Variants in TMEM163 observed in about 807,000 individuals in gnomAD.
TMEM163 encodes transmembrane protein 163.
In TMEM163, 17 loss-of-function variants were observed where a neutral mutation model predicts 29.3. The observed-to-expected ratio is 0.58, with a 90% CI of 0.40 to 0.87. The LOEUF is 0.87. Among genes scored for constraint, TMEM163 ranks in the 40% least tolerant of loss-of-function variants. The probability of loss-of-function intolerance (pLI) is 0.00; values close to 1 mark genes in which losing one functional copy is unlikely to be tolerated. For synonymous variants in TMEM163, 157 were observed against 160.6 expected (o/e 0.98, Z 0.17); for missense variants, 303 against 381.5 (o/e 0.79, Z 1.71).
chr2:134,566,809 C>A (rs1464711768), intron 2 of TMEM163, among the ~76,000 whole-genome samples: 1 of 152,142 alleles, frequency 6.6e-6, no homozygotes, highest in Admixed American at 6.5e-5. Flanking sequence ...AAAATATTAA[C>A]CACTTAGGCA....
At chr2:134,606,577 T>A (rs777888979) in intron 2 of TMEM163, among the ~76,000 whole-genome samples, 69 of 148,084 alleles carry the variant, frequency 4.7e-4, no homozygotes, top group South Asian at 1.5e-3. Flanking sequence ...CCTGGAAGAG[T>A]CGGGCTGGGG....
At chr2:134,677,396 T>C (rs551206647) in intron 2 of TMEM163, among the ~76,000 whole-genome samples, 35 of 152,156 alleles carry the variant, frequency 2.3e-4, no homozygotes, top group Non-Finnish European at 2.8e-4. Flanking sequence ...CGAAAAGGCA[T>C]GGAGAAGACA....
At chr2:134,697,558 G>A (rs946996856) in intron 2 of TMEM163, among the ~76,000 whole-genome samples, 4 of 149,806 alleles carry the variant, frequency 2.7e-5, no homozygotes, top group East Asian at 4.0e-4. Context: ...TCCGCCTCCC[G>A]GGTTCAAGTG....
intron 2 of TMEM163, among the ~76,000 whole-genome samples, chr2:134,656,461 G>A (rs1335829077): frequency 6.6e-6 from 1 of 152,080 alleles, no homozygotes; most frequent in African/African-American, 2.4e-5. Context: ...ACTCCCTAGT[G>A]AGAGAAACCC....
chr2:134,493,941 A>G lies in TMEM163; in HGVS notation c.555+8960T>C, dbSNP rs142563186. 2.0e-4 allele frequency among the ~76,000 whole-genome samples: 30 copies of G among 152,268 alleles called. 2 individuals carry two copies. The highest frequency in any genetic ancestry group is 6.0e-4 in the African/African-American group (25 of 41,574). ...CACTTGACTAGATATGTGCAGGTCT[A>G]TTTCTGGATCTGATATTCTCCTTGT... On this transcript the variant is annotated intron_variant, in intron 5 of 7. Transcript: ENST00000281924.
intron 2 of TMEM163, among the ~76,000 whole-genome samples, chr2:134,655,628 A>G (rs1419405764): frequency 2.2e-5 from 3 of 138,628 alleles, no homozygotes; most frequent in African/African-American, 6.1e-5. Flanking sequence ...GGCGCTCTGC[A>G]TTTTAGAGTT....
At chr2:134,484,723 C>A (rs142677481) in intron 5 of TMEM163, among the ~76,000 whole-genome samples, 1 of 152,274 alleles carries the variant, frequency 6.6e-6, no homozygotes, top group African/African-American at 2.4e-5. Flanking sequence ...AATGTTAAAT[C>A]TTGATCTAAC....
chr2:134,480,144 A>G lies in TMEM163; in HGVS notation c.556-13919T>C, dbSNP rs532991614. Among the ~76,000 whole-genome samples, 3 of 152,258 alleles carry G rather than the reference A, an allele frequency of 2.0e-5. No homozygotes were observed. The South Asian group carries it at 6.2e-4, about 32-fold the overall frequency. On this transcript the variant is annotated intron_variant, in intron 5 of 7. Coordinates refer to ENST00000281924, the MANE Select transcript of TMEM163 (RefSeq NM_030923.5). Reference sequence around the variant, plus strand: ...TTTCCAGCTCCTTGCAGAAAAGCCAACCCCAACCAAACCAGCTGGATAAAG... The same window carrying G: ...TTTCCAGCTCCTTGCAGAAAAGCCAGCCCCAACCAAACCAGCTGGATAAAG...
chr2:134,468,457 G>A (rs115922298), intron 5 of TMEM163: 5,466 of 152,322 alleles, frequency 0.036, 161 homozygotes, highest in South Asian at 0.13. Context: ...GTGGTGTTTT[G>A]TTATAACAGC....
chr2:134,629,915 T>A (rs1682931132), intron 2 of TMEM163, among the ~76,000 whole-genome samples: 1 of 152,188 alleles, frequency 6.6e-6, no homozygotes, highest in Non-Finnish European at 1.5e-5. Context: ...AATAAACATA[T>A]AAACTAATGG....
At chr2:134,636,241 G>C (rs1553487665) in intron 2 of TMEM163, among the ~76,000 whole-genome samples, 2 of 152,220 alleles carry the variant, frequency 1.3e-5, no homozygotes, top group Non-Finnish European at 2.9e-5. Context: ...GGCTGGCAAA[G>C]ACCAGGTACA....
At chr2:134,611,831 G>A (rs573499497) in intron 2 of TMEM163, among the ~76,000 whole-genome samples, 2 of 152,302 alleles carry the variant, frequency 1.3e-5, no homozygotes, top group South Asian at 2.1e-4. Flanking sequence ...GCAGTGAAGA[G>A]GTGAGCCTCC....
chr2:134,578,749 T>G (rs1312612330), intron 2 of TMEM163, among the ~76,000 whole-genome samples: 1 of 151,946 alleles, frequency 6.6e-6, no homozygotes, highest in Non-Finnish European at 1.5e-5. Context: ...AAATAACTGG[T>G]TTGAGTGTGT....
Position 134,613,952 on chromosome 2 carries a change from GT to G in TMEM163, c.323-61862del, listed in dbSNP as rs550515484. Among the ~76,000 whole-genome samples, 3 of 151,694 alleles carry G rather than the reference GT, an allele frequency of 2.0e-5. No homozygotes were observed. The East Asian group carries it at 5.8e-4, about 29-fold the overall frequency. ...CAGTTCTAGTAAAAATCCCAGTAAGGTTTTTTTTGTAGATATAGACAGGTTA... is the reference window on the plus strand; with the variant it reads ...CAGTTCTAGTAAAAATCCCAGTAAGGTTTTTTTGTAGATATAGACAGGTTA... On this transcript the variant is annotated intron_variant, in intron 2 of 7. Transcript: ENST00000281924.
chr2:134,606,482 G>A (rs544900284), intron 2 of TMEM163, among the ~76,000 whole-genome samples: 16 of 152,004 alleles, frequency 1.1e-4, no homozygotes, highest in Non-Finnish European at 1.9e-4. Flanking sequence ...CCTCCTCTTC[G>A]AGTCTCTCCT....
intron 2 of TMEM163, among the ~76,000 whole-genome samples, chr2:134,681,022 G>A (rs567620898): frequency 1.3e-5 from 2 of 152,292 alleles, no homozygotes; most frequent in South Asian, 2.1e-4. Context: ...GGATGGAGCC[G>A]CCACCCATCT....
At chr2:134,512,277 G>A (rs1352676512) in intron 4 of TMEM163, among the ~76,000 whole-genome samples, 1 of 152,148 alleles carries the variant, frequency 6.6e-6, no homozygotes, top group Non-Finnish European at 1.5e-5. Context: ...GGCCAACATG[G>A]TGAAACCCCA....
intron 4 of TMEM163, among the ~76,000 whole-genome samples, chr2:134,535,249 A>T (rs1479830890): frequency 6.6e-5 from 10 of 152,212 alleles, no homozygotes; most frequent in Admixed American, 6.5e-4. Flanking sequence ...CACATCGTGC[A>T]CATTGCTTTT....
In TMEM163 at chr2:134,662,528, T is replaced by C. The variant is rs1683777791; in HGVS notation, c.322+50672A>G. On this transcript the variant is annotated intron_variant, in intron 2 of 7. Transcript: ENST00000281924. The stretch of plus-strand genomic sequence containing the variant: ...TAATTATTCATATAATTTCAAAATA[T>C]GTATACAGGAAAAAAAAAGACTAGC... 3.3e-5 allele frequency among the ~76,000 whole-genome samples: 5 copies of C among 152,030 alleles called. No individual in the cohort carries two copies. The South Asian group carries it at 6.2e-4, about 19-fold the overall frequency.
Sources: gnomAD v4.1 joint callset for allele counts (sites outside exome capture counted in the v4.1 genomes callset) on GRCh38, gnomAD v4.1.1 for gene constraint, MANE v1.5 for transcripts, NCBI Gene and HGNC (gene_info 2026-07-23, HGNC 2026-07-21) for gene names.